The following SHISA9 variants were observed in gnomAD, a reference collection of about 807,000 sequenced individuals.
SHISA9 encodes the protein protein shisa-9.
A neutral mutation model predicts 38.0 loss-of-function variants in SHISA9; 13 were observed. That is an observed-to-expected ratio of 0.34 (90% CI 0.22 to 0.54). The LOEUF is 0.54. SHISA9 is among the 20% of genes least tolerant of loss of function. The pLI is 0.91. For synonymous variants in SHISA9, 275 were observed against 242.0 expected (o/e 1.14, Z -1.27); for missense variants, 538 against 575.8 (o/e 0.93, Z 0.67).
intron 2 of SHISA9, among the ~76,000 whole-genome samples, chr16:13,128,238 A>G (rs1272629681): frequency 2.0e-5 from 3 of 152,162 alleles, no homozygotes; most frequent in Non-Finnish European, 4.4e-5. Flanking sequence ...AAGGGAAGAG[A>G]AGACAGGTGA....
chr16:13,081,440 A>G (rs2073648727), intron 2 of SHISA9, among the ~76,000 whole-genome samples: 1 of 152,224 alleles, frequency 6.6e-6, no homozygotes, highest in Non-Finnish European at 1.5e-5. Context: ...GGCCAAGGGA[A>G]ACTGGGCTGA....
At chr16:12,908,569 C>T (rs756977884) in intron 1 of SHISA9, 28 of 1,551,668 alleles carry the variant, frequency 1.8e-5, no homozygotes, top group Non-Finnish European at 2.4e-5. Context: ...GACTTCAAAC[C>T]TGGACAGTCT....
chr16:13,332,264 G>A, the SHISA9 span, among the ~76,000 whole-genome samples: 4 of 152,186 alleles, frequency 2.6e-5, no homozygotes, highest in Non-Finnish European at 5.9e-5. Flanking sequence ...GACTTTCAGT[G>A]CTAGAACCAG....
the SHISA9 span, among the ~76,000 whole-genome samples, chr16:13,471,868 A>C: frequency 6.6e-6 from 1 of 152,212 alleles, no homozygotes; most frequent in Admixed American, 6.5e-5. Flanking sequence ...CTAGTGTTAT[A>C]GCAAGAAAAA....
At chr16:13,341,819 A>C in the SHISA9 span, among the ~76,000 whole-genome samples, 2 of 152,214 alleles carry the variant, frequency 1.3e-5, no homozygotes, top group African/African-American at 4.8e-5. Flanking sequence ...TAGCAGAGAC[A>C]TACTGATTCA....
intron 2 of SHISA9, among the ~76,000 whole-genome samples, chr16:12,962,592 T>C (rs537478482): frequency 2.6e-5 from 4 of 152,266 alleles, no homozygotes; most frequent in East Asian, 3.9e-4. Context: ...GTCTGCCCCA[T>C]TGGGACATAG....
chr16:13,294,892 C>G, the SHISA9 span, among the ~76,000 whole-genome samples: 1 of 152,136 alleles, frequency 6.6e-6, no homozygotes, highest in Non-Finnish European at 1.5e-5. Context: ...AGTTAATAGC[C>G]AACATAGTGC....
chr16:13,562,913 A>G, the SHISA9 span: 1 of 152,226 alleles, frequency 6.6e-6, no homozygotes, highest in Non-Finnish European at 1.5e-5. Flanking sequence ...AAAATTAAAA[A>G]AAAAAAGCTG....
At chr16:13,504,919 C>G in the SHISA9 span, among the ~76,000 whole-genome samples, 1 of 152,068 alleles carries the variant, frequency 6.6e-6, no homozygotes, top group South Asian at 2.1e-4. Flanking sequence ...CACTTGGGAC[C>G]CCACTTCCAT....
the SHISA9 span, among the ~76,000 whole-genome samples, chr16:13,367,228 C>T: frequency 6.6e-6 from 1 of 150,622 alleles, no homozygotes. Context: ...TACGTTTTGC[C>T]ACTACCATAT....
At chr16:13,445,322 A>G in the SHISA9 span, among the ~76,000 whole-genome samples, 1 of 152,042 alleles carries the variant, frequency 6.6e-6, no homozygotes, top group Non-Finnish European at 1.5e-5. Context: ...TTCTCAAGAG[A>G]TGTTTGCTGA....
At chr16:13,300,841 CT>C in the SHISA9 span, among the ~76,000 whole-genome samples, 1 of 83,850 alleles carries the variant, frequency 1.2e-5, no homozygotes. Flanking sequence ...CTCCCCTCCC[CT>C]CTTCTCTCCT....
At chr16:13,431,877 A>G in the SHISA9 span, among the ~76,000 whole-genome samples, 2 of 152,174 alleles carry the variant, frequency 1.3e-5, no homozygotes, top group Non-Finnish European at 2.9e-5. Context: ...CCTGGCCAAC[A>G]TAGAGACACC....
intron 2 of SHISA9, among the ~76,000 whole-genome samples, chr16:13,143,768 G>A (rs1357677061): frequency 6.6e-6 from 1 of 152,246 alleles, no homozygotes; most frequent in Non-Finnish European, 1.5e-5. Flanking sequence ...CATTGGCAAT[G>A]CTTGAGCTAG....
At chr16:13,365,558 G>C in the SHISA9 span, among the ~76,000 whole-genome samples, 1 of 147,834 alleles carries the variant, frequency 6.8e-6, no homozygotes, top group Non-Finnish European at 1.5e-5. Flanking sequence ...CCGGGTTCAA[G>C]CTATTCTCCT....
At chr16:13,363,249 T>A in the SHISA9 span, among the ~76,000 whole-genome samples, 14 of 152,204 alleles carry the variant, frequency 9.2e-5, no homozygotes, top group African/African-American at 3.4e-4. Context: ...ATATCACAAC[T>A]TGAAGTTGTT....
At chr16:12,920,422 T>C (rs2071313045) in intron 2 of SHISA9, among the ~76,000 whole-genome samples, 1 of 152,194 alleles carries the variant, frequency 6.6e-6, no homozygotes, top group Non-Finnish European at 1.5e-5. Context: ...TAAGACCTAC[T>C]GTTTGATAGC....
intron 2 of SHISA9, among the ~76,000 whole-genome samples, chr16:13,182,604 A>T (rs185877487): frequency 6.6e-6 from 1 of 152,348 alleles, no homozygotes; most frequent in East Asian, 1.9e-4. Flanking sequence ...ATTGGAGCTT[A>T]TGCAAATCTA....
At chr16:13,431,945 C>T in the SHISA9 span, among the ~76,000 whole-genome samples, 3 of 152,300 alleles carry the variant, frequency 2.0e-5, no homozygotes, top group South Asian at 6.2e-4. Flanking sequence ...CCTGCAGTCC[C>T]AGCTACTCAG....
Sources: gnomAD v4.1 joint callset for allele counts (sites outside exome capture counted in the v4.1 genomes callset) on GRCh38, gnomAD v4.1.1 for gene constraint, MANE v1.5 for transcripts, NCBI Gene and HGNC (gene_info 2026-07-23, HGNC 2026-07-21) for gene names.